The following LRP1B variants were observed in gnomAD, a reference collection of about 807,000 sequenced individuals.
LRP1B encodes the protein LDL receptor related protein 1B, also known as low-density lipoprotein receptor-related protein 1B.
A neutral mutation model predicts 556.6 loss-of-function variants in LRP1B; 217 were observed. The observed-to-expected ratio is 0.39, with a 90% CI of 0.35 to 0.44. The LOEUF (loss-of-function observed/expected upper bound fraction) is 0.44, where lower values mean the gene tolerates loss of function less well. Among genes scored for constraint, LRP1B ranks in the 20% least tolerant of loss-of-function variants. LRP1B has a pLI of 1.00. For synonymous variants in LRP1B, 2,047 were observed against 1,865.8 expected, an observed-to-expected ratio of 1.10 and a Z score of -2.50; for missense variants, 5,053 against 5,620.8, an observed-to-expected ratio of 0.90 and a Z score of 3.23.
At chr2:141,495,090 T>A (rs1004189480) in intron 2 of LRP1B, among the ~76,000 whole-genome samples, 1 of 152,028 alleles carries the variant, frequency 6.6e-6, no homozygotes, top group African/African-American at 2.4e-5. Context: ...TTATCTATGT[T>A]GTAGGCTATA....
chr2:141,554,428 T>A (rs2105236192), intron 2 of LRP1B, among the ~76,000 whole-genome samples: 1 of 150,916 alleles, frequency 6.6e-6, no homozygotes, highest in East Asian at 2.0e-4. Flanking sequence ...TAGATACATA[T>A]ATCTGCATAT....
chr2:141,705,247 T>C lies in LRP1B; in HGVS notation c.205+105032A>G, dbSNP rs72983837. ...AAAAAATGTAGGCTTGAATATCAAT[T>C]TCTGCTATGTCATTTTGAGCAAGTA... On this transcript the variant is annotated intron_variant, in intron 2 of 90. Transcript: ENST00000389484. Among the ~76,000 whole-genome samples the C allele has an allele frequency of 3.0e-3, 449 of 152,124 alleles. 3 individuals carry two copies. The highest frequency in any genetic ancestry group is 0.01 in the African/African-American group (426 of 41,548).
intron 76 of LRP1B, among the ~76,000 whole-genome samples, chr2:140,352,746 C>T (rs1682029740): frequency 6.6e-6 from 1 of 151,984 alleles, no homozygotes; most frequent in African/African-American, 2.4e-5. Flanking sequence ...GTGATTTTAA[C>T]AGTAACCATA....
intron 2 of LRP1B, among the ~76,000 whole-genome samples, chr2:141,762,788 A>G (rs971406346): frequency 6.6e-6 from 1 of 152,192 alleles, no homozygotes; most frequent in Non-Finnish European, 1.5e-5. Flanking sequence ...AAATTCAGCT[A>G]ATGGGACATA....
chr2:141,606,940 C>T (rs1687935308), intron 2 of LRP1B, among the ~76,000 whole-genome samples: 1 of 152,086 alleles, frequency 6.6e-6, no homozygotes, highest in African/African-American at 2.4e-5. Context: ...TATGCCTTTA[C>T]AGTTACGCTA....
intron 53 of LRP1B, among the ~76,000 whole-genome samples, chr2:140,506,262 T>G (rs770384193): frequency 1.1e-4 from 16 of 140,414 alleles, no homozygotes; most frequent in Non-Finnish European, 2.6e-4. Flanking sequence ...GTATTTATTT[T>G]GAGATGGAGT....
At chr2:141,878,065 T>C (rs1400842840) in intron 1 of LRP1B, among the ~76,000 whole-genome samples, 2 of 150,694 alleles carry the variant, frequency 1.3e-5, no homozygotes, top group African/African-American at 4.9e-5. Context: ...AACTCAGTTT[T>C]GGAACACTGG....
chr2:140,817,849 C>T (rs996249972), intron 31 of LRP1B, among the ~76,000 whole-genome samples: 4 of 151,970 alleles, frequency 2.6e-5, no homozygotes, highest in Non-Finnish European at 4.4e-5. Flanking sequence ...ATTTTTAATA[C>T]ATTTCCATCA....
intron 1 of LRP1B, among the ~76,000 whole-genome samples, chr2:141,907,582 C>G (rs1484705288): frequency 3.3e-5 from 5 of 151,742 alleles, no homozygotes; most frequent in African/African-American, 4.8e-5. Flanking sequence ...GGAATTGGCA[C>G]GACCTTTAAT....
At chr2:141,108,645 C>A (rs9287310) in intron 7 of LRP1B, among the ~76,000 whole-genome samples, 1 of 151,604 alleles carries the variant, frequency 6.6e-6, no homozygotes, top group African/African-American at 2.4e-5. Flanking sequence ...CCACCGTGCC[C>A]GGCCAAAAAT....
intron 3 of LRP1B, among the ~76,000 whole-genome samples, chr2:141,306,728 C>A (rs300348): frequency 0.093 from 14,140 of 151,870 alleles, 830 homozygotes; most frequent in Admixed American, 0.16. Context: ...TGAAATCTTT[C>A]TTTTCTGATG....
chr2:141,291,565 C>T (rs962230445), intron 3 of LRP1B, among the ~76,000 whole-genome samples: 2 of 151,938 alleles, frequency 1.3e-5, no homozygotes, highest in African/African-American at 4.8e-5. Flanking sequence ...CTCATTAAAA[C>T]TTGTTTGGAG....
At chr2:140,986,513 TTTTACC>T (rs1363717624) in intron 17 of LRP1B, among the ~76,000 whole-genome samples, 2 of 152,002 alleles carry the variant, frequency 1.3e-5, no homozygotes, top group African/African-American at 4.8e-5. Flanking sequence ...CAATGCTGAG[TTTTACC>T]AGATTATTTT....
chr2:141,255,436 T>G (rs540532132), intron 3 of LRP1B, among the ~76,000 whole-genome samples: 1 of 152,182 alleles, frequency 6.6e-6, no homozygotes, highest in East Asian at 1.9e-4. Flanking sequence ...TACATTGATA[T>G]TTGCCAAGAG....
At chr2:140,612,505 T>A (rs899991218) in intron 41 of LRP1B, among the ~76,000 whole-genome samples, 4 of 152,156 alleles carry the variant, frequency 2.6e-5, no homozygotes, top group Non-Finnish European at 5.9e-5. Flanking sequence ...TCAGTGTGTA[T>A]CAACTGCTAT....
chr2:140,953,580 C>T (rs1226672077), intron 18 of LRP1B, among the ~76,000 whole-genome samples: 1 of 152,104 alleles, frequency 6.6e-6, no homozygotes, highest in Non-Finnish European at 1.5e-5. Context: ...CTGTCAAGAA[C>T]AACTGATGGC....
chr2:140,516,783 G>T (rs1488714942), intron 50 of LRP1B, 106 bp downstream of exon 50: 32 of 1,032,500 alleles, frequency 3.1e-5, no homozygotes, highest in Non-Finnish European at 3.9e-5. Flanking sequence ...GAAAATTAAT[G>T]TTAAAATCAG....
intron 2 of LRP1B, among the ~76,000 whole-genome samples, chr2:141,614,087 A>G (rs1166514950): frequency 1.4e-5 from 2 of 146,910 alleles, no homozygotes; most frequent in Non-Finnish European, 3.1e-5. Flanking sequence ...CCTCAAAAAA[A>G]AAAAAAAAAA....
chr2:141,424,010 A>T (rs1008800109), intron 3 of LRP1B, among the ~76,000 whole-genome samples: 6 of 152,174 alleles, frequency 3.9e-5, no homozygotes, highest in African/African-American at 1.4e-4. Flanking sequence ...TTCAGTTAAA[A>T]GAGATGACAT....
Sources: gnomAD v4.1 joint callset for allele counts (sites outside exome capture counted in the v4.1 genomes callset) on GRCh38, gnomAD v4.1.1 for gene constraint, MANE v1.5 for transcripts, NCBI Gene and HGNC (gene_info 2026-07-23, HGNC 2026-07-21) for gene names.